The following POU2AF1 variants were observed in gnomAD, a reference collection of about 807,000 sequenced individuals.
The protein encoded by POU2AF1 is POU domain class 2-associating factor 1.
POU2AF1 carries 12 observed loss-of-function variants against 26.3 expected under a neutral mutation model. The ratio of observed to expected loss-of-function variants is 0.46; its 90% CI spans 0.29 to 0.74. POU2AF1 has a LOEUF of 0.74. Among genes scored for constraint, POU2AF1 ranks in the 30% least tolerant of loss-of-function variants. The pLI is 0.09. For missense variants in POU2AF1, 297 were observed against 334.5 expected (o/e 0.89, Z 0.87); for synonymous variants, 175 against 148.0 (o/e 1.18, Z -1.32).
intron 4 of POU2AF1, 67 bp downstream of exon 4, chr11:111,357,378 G>T: frequency 6.3e-7 from 1 of 1,592,936 alleles, no homozygotes; most frequent in Non-Finnish European, 8.6e-7. Flanking sequence ...GGATCGAGAA[G>T]TCAGCTCTGG....
rs1181541693 is a variant in POU2AF1 at position 111,352,615 on chromosome 11, G to A, written c.*1646C>T. ...TTGGTTCCACAGAATGGTGGCTTATGGACGCTTTTAAGACACTAAAGAAAC... is the reference window on the plus strand; with the variant it reads ...TTGGTTCCACAGAATGGTGGCTTATAGACGCTTTTAAGACACTAAAGAAAC... On this transcript the variant is annotated 3_prime_UTR_variant, in exon 5 of 5. Transcript: ENST00000393067. 1.1e-5 allele frequency: 2 copies of A among 179,012 alleles called. No homozygotes were observed. Among genetic ancestry groups the A allele is most frequent in the Non-Finnish European group, 2.4e-5 (2 of 83,518 alleles). The allele number at this position is 179,012 out of a possible 1,614,324, so 11.1% of individuals were successfully genotyped here. A position where few individuals can be genotyped will look rare whatever the true frequency, so the allele number is the denominator to read the frequency against.
intron 1 of POU2AF1, among the ~76,000 whole-genome samples, chr11:111,376,330 G>T (rs1861309326): frequency 6.6e-6 from 1 of 152,192 alleles, no homozygotes; most frequent in African/African-American, 2.4e-5. Flanking sequence ...CAAGGTTCCT[G>T]CTATTTCCAC....
intron 1 of POU2AF1, among the ~76,000 whole-genome samples, chr11:111,359,761 A>T (rs1860969426): frequency 6.6e-6 from 1 of 152,226 alleles, no homozygotes; most frequent in Admixed American, 6.5e-5. Context: ...AAACGTCTCA[A>T]GGTGAGTTAT....
At chr11:111,359,152 A>G in intron 1 of POU2AF1, 1 of 672,646 alleles carries the variant, frequency 1.5e-6, no homozygotes, top group South Asian at 2.0e-5. Context: ...AGAATTGGAC[A>G]GTCTTCAGAA....
intron 2 of POU2AF1, among the ~76,000 whole-genome samples, chr11:111,358,476 T>C (rs1034736740): frequency 1.4e-4 from 7 of 51,788 alleles, no homozygotes; most frequent in Non-Finnish European, 3.9e-4. Context: ...ACATACATTC[T>C]CACACACTGA....
chr11:111,378,678 G>A (rs6589228), intron 1 of POU2AF1, among the ~76,000 whole-genome samples: 152,213 of 152,214 alleles, frequency 1, 76,106 homozygotes, highest in Middle Eastern at 1. Flanking sequence ...TATCCACAGG[G>A]ACAAGTCACA....
At position 111,354,387 on chromosome 11, in the gene POU2AF1, T is replaced by C. The variant is rs760902944; in HGVS notation, c.645A>G (p.Pro215=). 2 of 1,614,082 alleles carry C rather than the reference T, an allele frequency of 1.2e-6. No homozygotes were observed. Among genetic ancestry groups the C allele is most frequent in the East Asian group, 4.5e-5 (2 of 44,888 alleles). Residue 215 remains proline, a synonymous_variant, in exon 5 of 5, where the codon CCA becomes CCG. Coordinates refer to ENST00000393067, the MANE Select transcript of POU2AF1 (RefSeq NM_006235.3). ...TGGGGTCTTCCATGTCCTGAAGGAC[T>C]GGCTCTGGGATAGAGATGGGGAGCT... ...FVQLPISIPE[P]VLQDMEDPRR...
chr11:111,371,144 CT>C (rs1371968341), intron 1 of POU2AF1, among the ~76,000 whole-genome samples: 1 of 152,200 alleles, frequency 6.6e-6, no homozygotes, highest in Non-Finnish European at 1.5e-5. Context: ...TGTATGCTTG[CT>C]GTCTTCCAAT....
intron 1 of POU2AF1, among the ~76,000 whole-genome samples, chr11:111,365,775 T>A (rs1467779254): frequency 1.3e-5 from 2 of 151,652 alleles, no homozygotes; most frequent in East Asian, 3.9e-4. Context: ...GAGAATCACC[T>A]GAACCCAGGA....
At chr11:111,358,705 CACAT>C in intron 2 of POU2AF1, 79 bp downstream of exon 2, 9 of 1,479,594 alleles carry the variant, frequency 6.1e-6, no homozygotes, top group East Asian at 2.5e-5. Flanking sequence ...TACTCACACA[CACAT>C]ACACTCTCAC....
intron 1 of POU2AF1, chr11:111,359,290 G>A (rs578187681): frequency 1.2e-4 from 30 of 254,524 alleles, no homozygotes; most frequent in South Asian, 5.6e-4. Context: ...CTGTGGTTGA[G>A]GTTTTCCGTG....
At chr11:111,369,661 G>C (rs1457730130) in intron 1 of POU2AF1, among the ~76,000 whole-genome samples, 2 of 152,266 alleles carry the variant, frequency 1.3e-5, no homozygotes, top group South Asian at 2.1e-4. Context: ...GCTGAGAGTG[G>C]GGCATCAGGA....
At position 111,358,886 on chromosome 11, in the gene POU2AF1, G is replaced by T. The variant is rs1327122899; in HGVS notation, c.49C>A (p.Arg17=). The change falls in exon 2 of 5, where the codon CGG becomes AGG. Residue 17 remains arginine, a synonymous_variant. Transcript: ENST00000393067. ...TAPEQAPAPA[R]PYQGVRVKEP... ...TTCACACGGACGCCCTGGTATGGCC[G>T]GGCCGGGGCTGGGGCTTGCTCCGGA... is the stretch of plus-strand genomic sequence containing the variant. 2 of 1,607,656 alleles carry T rather than the reference G, an allele frequency of 1.2e-6. No homozygotes were observed. The highest frequency in any genetic ancestry group is 1.1e-5 in the South Asian group (1 of 91,036).
At chr11:111,368,885 C>T (rs573114091) in intron 1 of POU2AF1, among the ~76,000 whole-genome samples, 2 of 152,244 alleles carry the variant, frequency 1.3e-5, no homozygotes, top group African/African-American at 4.8e-5. Flanking sequence ...GAGCTCCCAA[C>T]AAATAGCCCT....
chr11:111,361,523 C>T (rs1861008290), intron 1 of POU2AF1, among the ~76,000 whole-genome samples: 1 of 152,218 alleles, frequency 6.6e-6, no homozygotes, highest in South Asian at 2.1e-4. Flanking sequence ...CAAAATAATA[C>T]ATGGGGAGCT....
At chr11:111,378,209 A>T (rs1451191401) in intron 1 of POU2AF1, among the ~76,000 whole-genome samples, 1 of 152,212 alleles carries the variant, frequency 6.6e-6, no homozygotes, top group African/African-American at 2.4e-5. Context: ...CTTCTTCTGT[A>T]AATCTAGATT....
chr11:111,357,623 G>T lies in POU2AF1; in HGVS notation c.278C>A (p.Pro93Gln). Residue 93 changes from proline (P) to glutamine (Q), a missense_variant, in exon 4 of 5, where the codon CCG (proline) becomes CAG (glutamine). Transcript: ENST00000393067. ...TGGGGCCAGGGGCTGCAGGGTGGCC[G>T]GGGTGGGCTGGGAGAGCCAGCCGGC... ...LCAGWLSQPTPATLQPLAPWT... is the reference protein window; with the variant it reads ...LCAGWLSQPTQATLQPLAPWT... The T allele has an allele frequency of 6.2e-7, 1 of 1,613,846 alleles. No individual in the cohort carries two copies. Among genetic ancestry groups the T allele is most frequent in the Non-Finnish European group, 8.5e-7 (1 of 1,179,916 alleles).
rs574980680 is a variant in POU2AF1, at chr11:111,362,016, T to C, written c.17-3098A>G. On this transcript the variant is annotated intron_variant, in intron 1 of 4. Transcript: ENST00000393067. ...TCTGGGTGAGTCACTCTTGCACAAGTTCCATTTGCCACTTTCCCTACTGCT... is the reference window on the plus strand; with the variant it reads ...TCTGGGTGAGTCACTCTTGCACAAGCTCCATTTGCCACTTTCCCTACTGCT... Among the ~76,000 whole-genome samples, 301 of 152,286 alleles carry C rather than the reference T, an allele frequency of 2.0e-3. 1 individual carries two copies. Among genetic ancestry groups the C allele is most frequent in the Non-Finnish European group, 3.7e-3 (254 of 68,016 alleles).
chr11:111,359,047 TC>T, intron 1 of POU2AF1, 129 bp from the exon 2 acceptor site: 3 of 1,414,778 alleles, frequency 2.1e-6, no homozygotes, highest in Non-Finnish European at 2.8e-6. Flanking sequence ...ACGTGACACT[TC>T]CTAGAATGCC....
Sources: allele counts gnomAD v4.1 joint callset (sites outside exome capture counted in the v4.1 genomes callset), GRCh38; gene constraint gnomAD v4.1.1; transcripts MANE v1.5; gene names NCBI Gene and HGNC (gene_info 2026-07-23, HGNC 2026-07-21).